REL: variants seen among roughly 807,000 people sequenced by gnomAD.
The protein encoded by REL is proto-oncogene c-Rel.
Under a neutral mutation model 45.9 loss-of-function variants are expected in REL, and 15 were observed. The observed-to-expected ratio is 0.33, with a 90% confidence interval of 0.22 to 0.50. The LOEUF is 0.50. Among genes scored for constraint, REL ranks in the 20% least tolerant of loss-of-function variants. The probability of loss-of-function intolerance (pLI) is 0.98; values close to 1 mark genes in which losing one functional copy is unlikely to be tolerated. For synonymous variants in REL, 239 were observed against 242.1 expected (o/e 0.99, Z 0.12); for missense variants, 601 against 715.2 (o/e 0.84, Z 1.82).
chr2:60,890,396 G>A (rs1673178837), intron 1 of REL, among the ~76,000 whole-genome samples: 1 of 152,142 alleles, frequency 6.6e-6, no homozygotes, highest in African/African-American at 2.4e-5. Context: ...TGGTCTTACT[G>A]TTAAGAAGTA....
At position 60,891,686 on chromosome 2, in the gene REL, C is replaced by T. The variant is rs146326268; in HGVS notation, c.14C>T (p.Ala5Val). 1.2e-5 allele frequency: 20 copies of T among 1,604,850 alleles called. No individual in the cohort carries two copies. Among genetic ancestry groups the T allele is most frequent in the East Asian group, 6.7e-5 (3 of 44,552 alleles). Residue 5 changes from alanine to valine, a missense_variant, in exon 2 of 10, where the codon GCG (alanine) becomes GTG (valine). Transcript: ENST00000394479. Reference protein sequence around the residue: MASGAYNPYIEIIEQ... With the variant: MASGVYNPYIEIIEQ... ...CTCCTTTTTAAAAACTTTTCAGGTG[C>T]GTATAACCCGTATATAGAGATAATT...
intron 7 of REL, among the ~76,000 whole-genome samples, chr2:60,919,036 G>GT (rs1674059813): frequency 6.6e-6 from 1 of 152,112 alleles, no homozygotes; most frequent in Non-Finnish European, 1.5e-5. Flanking sequence ...TCAAGAAGAG[G>GT]TTTGATTAGT....
At chr2:60,892,489 C>G (rs533232388) in intron 2 of REL, among the ~76,000 whole-genome samples, 1 of 152,072 alleles carries the variant, frequency 6.6e-6, no homozygotes, top group Non-Finnish European at 1.5e-5. Context: ...AGTGCAATGT[C>G]GTGATCTCAG....
chr2:60,887,897 T>A (rs1673108568), intron 1 of REL, among the ~76,000 whole-genome samples: 1 of 151,428 alleles, frequency 6.6e-6, no homozygotes, highest in African/African-American at 2.4e-5. Flanking sequence ...ACCAATGAAG[T>A]TTTGGGTTTT....
Position 60,922,125 on chromosome 2 carries a change from G to A in REL, c.1354G>A (p.Gly452Ser). 1 of 1,614,056 alleles carries A rather than the reference G, an allele frequency of 6.2e-7. No individual in the cohort carries two copies. Among genetic ancestry groups the A allele is most frequent in the Non-Finnish European group, 8.5e-7 (1 of 1,179,998 alleles). ...ASSMPSADLY[G>S]ISDPNMLSNC... Reference sequence around the variant, plus strand: ...ATCCATGCCATCAGCAGATTTATATGGTATTTCTGATCCCAACATGCTGTC... The same window carrying A: ...ATCCATGCCATCAGCAGATTTATATAGTATTTCTGATCCCAACATGCTGTC... Residue 452 changes from glycine to serine, a missense_variant, in exon 10 of 10, where the codon GGT becomes AGT. By Grantham distance (56) the Gly-to-Ser change is moderately conservative. Transcript: ENST00000394479.
chr2:60,884,877 A>G (rs184588497), intron 1 of REL, among the ~76,000 whole-genome samples: 4 of 152,262 alleles, frequency 2.6e-5, no homozygotes, highest in Non-Finnish European at 5.9e-5. Context: ...AAAGGGGAGA[A>G]ATGGAAGTAA....
chr2:60,881,822 A>G lies in REL; in HGVS notation c.-19A>G. The G allele has an allele frequency of 1.3e-6, 2 of 1,523,728 alleles. No individual in the cohort carries two copies. The highest frequency in any genetic ancestry group is 1.8e-6 in the Non-Finnish European group (2 of 1,136,650). The allele number at this position is 1,523,728 out of a possible 1,614,324, so 94.4% of individuals were successfully genotyped here. A position where few individuals can be genotyped will look rare whatever the true frequency, so the allele number is the denominator to read the frequency against. ...AGGACGCTGGGAGCTGCCTGCGGGAAGGTGCGGGGAGCGGAGCCATGGCCT... is the reference window on the plus strand; with the variant it reads ...AGGACGCTGGGAGCTGCCTGCGGGAGGGTGCGGGGAGCGGAGCCATGGCCT... On this transcript the variant is annotated 5_prime_UTR_variant, in exon 1 of 10. Transcript: ENST00000394479.
intron 4 of REL, among the ~76,000 whole-genome samples, chr2:60,915,663 A>T (rs1378262675): frequency 6.6e-6 from 1 of 152,242 alleles, no homozygotes; most frequent in Non-Finnish European, 1.5e-5. Flanking sequence ...AATACTTTGC[A>T]AAGTAAAATT....
intron 4 of REL, among the ~76,000 whole-genome samples, chr2:60,909,094 G>A (rs1262734664): frequency 1.3e-5 from 2 of 151,920 alleles, no homozygotes; most frequent in African/African-American, 4.8e-5. Context: ...AGTATTCCTT[G>A]AGCATATTTC....
At chr2:60,882,694 TGTA>T in intron 1 of REL, among the ~76,000 whole-genome samples, 1 of 149,144 alleles carries the variant, frequency 6.7e-6, no homozygotes, top group East Asian at 2.0e-4. Flanking sequence ...AAAAAAAAAA[TGTA>T]GTTTTTACTG....
chr2:60,889,289 C>T lies in REL; in HGVS notation c.11-2394C>T, dbSNP rs1558787245. Among the ~76,000 whole-genome samples, 3 of 152,122 alleles carry T rather than the reference C, an allele frequency of 2.0e-5. No individual in the cohort carries two copies. The East Asian group carries it at 5.8e-4, about 29-fold the overall frequency. On this transcript the variant is annotated intron_variant, in intron 1 of 9. Transcript: ENST00000394479. Reference sequence around the variant, plus strand: ...CAGTTGGGCATTCCTGACTCTTTCGCTCTTATTTCCGCAGAATTTTGTTAG... The same window carrying T: ...CAGTTGGGCATTCCTGACTCTTTCGTTCTTATTTCCGCAGAATTTTGTTAG...
rs1408969857 is a variant in REL, at chr2:60,920,050, G to A, written c.863G>A (p.Gly288Asp). The A allele has an allele frequency of 6.2e-7, 1 of 1,609,034 alleles. No homozygotes were observed. ...RYLPDEKDTY[G>D]NKAKKQKTTL... is the part of the protein sequence containing the mutation. Reference sequence around the variant, plus strand: ...GTTTCTTTCTAATCAGATACTTACGGCAATAAAGCAAAGAAACAAAAGACA... The same window carrying A: ...GTTTCTTTCTAATCAGATACTTACGACAATAAAGCAAAGAAACAAAAGACA... Residue 288 changes from glycine (G) to aspartate (D), a missense_variant, in exon 8 of 10, where the codon GGC (glycine) becomes GAC (aspartate). By Grantham distance (94) the Gly-to-Asp change is moderately conservative (BLOSUM62 -1). Transcript: ENST00000394479.
Position 60,887,828 on chromosome 2 carries a change from A to T in REL, c.11-3855A>T, listed in dbSNP as rs887192245. Among the ~76,000 whole-genome samples the T allele has an allele frequency of 3.3e-5, 5 of 151,854 alleles. No homozygotes were observed. In the South Asian group the frequency reaches 8.4e-4, roughly 25 times the overall value. On this transcript the variant is annotated intron_variant, in intron 1 of 9. Transcript: ENST00000394479. ...AATTTTTACTATTTAAAAATATTTA[A>T]TCTTTTCAACAACTACTTTTCTGTT...
In REL at chr2:60,918,590, T is replaced by C; in HGVS notation, c.837T>C (p.Tyr279=). The change falls in exon 7 of 10, where the codon TAT becomes TAC. Residue 279 remains tyrosine, a synonymous_variant. Coordinates refer to ENST00000394479, the MANE Select transcript of REL (RefSeq NM_001291746.2). ...TTAGTGAATCTATGGATTTTAGATATCTGCCAGATGAAAAAGGTATGACAT... is the reference window on the plus strand; with the variant it reads ...TTAGTGAATCTATGGATTTTAGATACCTGCCAGATGAAAAAGGTATGACAT... ...QEVSESMDFR[Y]LPDEKDTYGN... is the part of the protein sequence containing the mutation. 1.2e-6 allele frequency: 2 copies of C among 1,612,542 alleles called. No individual in the cohort carries two copies. Among genetic ancestry groups the C allele is most frequent in the Non-Finnish European group, 1.7e-6 (2 of 1,178,534 alleles).
At chr2:60,908,933 A>G (rs1202160128) in intron 4 of REL, among the ~76,000 whole-genome samples, 1 of 152,230 alleles carries the variant, frequency 6.6e-6, no homozygotes, top group East Asian at 1.9e-4. Context: ...AGTCTGGTCT[A>G]ATACAAGAAA....
At chr2:60,889,063 T>C (rs886157122) in intron 1 of REL, among the ~76,000 whole-genome samples, 5 of 152,214 alleles carry the variant, frequency 3.3e-5, no homozygotes, top group African/African-American at 1.2e-4. Flanking sequence ...TCATCACACA[T>C]AAAATGAAAT....
At position 60,924,076 on chromosome 2, in the gene REL, C is replaced by A; in HGVS notation, c.*1541C>A. On this transcript the variant is annotated 3_prime_UTR_variant, in exon 10 of 10. Coordinates refer to ENST00000394479, the MANE Select transcript of REL (RefSeq NM_001291746.2). ...CCTTGGACAGTCTGTACTTGGTATT[C>A]CCTCTGCCTTGAATGTTGTTCTCCC... 4.3e-6 allele frequency: 1 copy of A among 231,768 alleles called. No homozygotes were observed. The allele number at this position is 231,768 out of a possible 1,614,324, so 14.4% of individuals were successfully genotyped here.
At chr2:60,897,937 C>G (rs1673394973) in intron 3 of REL, among the ~76,000 whole-genome samples, 2 of 151,902 alleles carry the variant, frequency 1.3e-5, no homozygotes, top group South Asian at 4.2e-4. Context: ...TATCTCTTTC[C>G]CCTCATAACT....
intron 1 of REL, among the ~76,000 whole-genome samples, chr2:60,890,429 C>G (rs944692084): frequency 1.3e-5 from 2 of 152,082 alleles, no homozygotes; most frequent in African/African-American, 2.4e-5. Flanking sequence ...TTCTAAAGGC[C>G]TCTTCTCCAT....
Sources: gnomAD v4.1 joint callset for allele counts (sites outside exome capture counted in the v4.1 genomes callset) on GRCh38, gnomAD v4.1.1 for gene constraint, MANE v1.5 for transcripts, NCBI Gene and HGNC (gene_info 2026-07-23, HGNC 2026-07-21) for gene names.